MMP17: variants seen among roughly 807,000 people sequenced by gnomAD.
The protein encoded by MMP17 is matrix metallopeptidase 17, also known as matrix metalloproteinase-17.
A neutral mutation model predicts 49.1 loss-of-function variants in MMP17; 54 were observed. The ratio of observed to expected loss-of-function variants is 1.10; its 90% CI spans 0.88 to 1.38. MMP17 has a LOEUF of 1.38. Ranked by LOEUF, MMP17 falls within the 40% of genes most tolerant of loss-of-function variation. MMP17 has a pLI of 0.00. For missense variants in MMP17, 837 were observed against 853.7 expected (o/e 0.98, Z 0.24); for synonymous variants, 397 against 383.1 (o/e 1.04, Z -0.42).
At chr12:131,848,778 G>A (rs1418531857) in intron 8 of MMP17, among the ~76,000 whole-genome samples, 8 of 152,180 alleles carry the variant, frequency 5.3e-5, no homozygotes, top group African/African-American at 1.4e-4. Flanking sequence ...GAGGCTGAGC[G>A]GCATTCCATG....
intron 8 of MMP17, 81 bp downstream of exon 8, chr12:131,845,530 C>A: frequency 1.4e-6 from 2 of 1,461,654 alleles, no homozygotes; most frequent in African/African-American, 1.4e-5. Flanking sequence ...GTCCAGCCTG[C>A]GTGTAAGCCC....
chr12:131,835,551 G>A (rs1887042060), intron 1 of MMP17, among the ~76,000 whole-genome samples: 1 of 152,180 alleles, frequency 6.6e-6, no homozygotes, highest in Non-Finnish European at 1.5e-5. Flanking sequence ...AGAGTAAATG[G>A]GCCACTCAGT....
In MMP17 at chr12:131,851,010, G is replaced by T. The variant is rs781326116; in HGVS notation, c.1548G>T (p.Thr516=). The change falls in exon 10 of 10, where the codon ACG becomes ACT. Residue 516 remains threonine, a synonymous_variant. Transcript: ENST00000360564. ...TGGCACCCGGGTACCCACAGTCCAC[G>T]GCCCGGGACTGGCTGGTGTGTGGAG... ...LEVAPGYPQS[T]ARDWLVCGDS... 2.5e-6 allele frequency: 4 copies of T among 1,596,342 alleles called. No individual in the cohort carries two copies. Among genetic ancestry groups the T allele is most frequent in the Non-Finnish European group, 3.4e-6 (4 of 1,171,840 alleles).
At chr12:131,830,001 C>T (rs1415256925) in intron 1 of MMP17, among the ~76,000 whole-genome samples, 1 of 152,202 alleles carries the variant, frequency 6.6e-6, no homozygotes, top group African/African-American at 2.4e-5. Flanking sequence ...CCCGGATCCC[C>T]CACTGAGAAT....
chr12:131,838,257 G>C lies in MMP17; in HGVS notation c.222G>C (p.Thr74=). 1 of 1,613,272 alleles carries C rather than the reference G, an allele frequency of 6.2e-7. No homozygotes were observed. Among genetic ancestry groups the C allele is most frequent in the Non-Finnish European group, 8.5e-7 (1 of 1,179,986 alleles). The part of the protein sequence containing the change: ...PADPTTGQLQ[T]QEELSKAITA... ...ACCCCACAACAGGGCAGCTGCAGAC[G>C]CAAGAGGAGCTGTCTAAGGCCATCA... The change falls in exon 2 of 10, where the codon ACG becomes ACC. Residue 74 remains threonine, a synonymous_variant. Coordinates refer to ENST00000360564, the MANE Select transcript of MMP17 (RefSeq NM_016155.7).
At chr12:131,843,266 T>A (rs1887515744) in intron 5 of MMP17, among the ~76,000 whole-genome samples, 1 of 122,390 alleles carries the variant, frequency 8.2e-6, no homozygotes, top group Non-Finnish European at 1.7e-5. Flanking sequence ...GCACCTGGCC[T>A]CTTTTTTTTT....
chr12:131,840,779 C>T lies in MMP17; in HGVS notation c.629C>T (p.Ala210Val). The change falls in exon 4 of 10, where the codon GCC (alanine) becomes GTC (valine). Residue 210 changes from alanine (A) to valine (V), a missense_variant. Coordinates refer to ENST00000360564, the MANE Select transcript of MMP17 (RefSeq NM_016155.7). ...FDGPGGTVAHAFFPGHHHTAG... is the reference protein window; with the variant it reads ...FDGPGGTVAHVFFPGHHHTAG... ...GGCCCCGGCGGCACCGTGGCCCACG[C>T]CTTCTTCCCCGGCCACCACCACACC... 3.7e-6 allele frequency: 6 copies of T among 1,605,566 alleles called. No individual in the cohort carries two copies. The highest frequency in any genetic ancestry group is 5.1e-6 in the Non-Finnish European group (6 of 1,179,794).
Position 131,840,860 on chromosome 12 carries a change from C to T in MMP17, c.706+4C>T, listed in dbSNP as rs765972699. On this transcript the variant is annotated splice_donor_region_variant and intron_variant, in intron 4 of 9. Transcript: ENST00000360564. Reference sequence around the variant, plus strand: ...GCCTGGACCTTCCGCTCCTCGGGTGCGTCTGGGGCAGCCCTCAGGGCAGAG... The same window carrying T: ...GCCTGGACCTTCCGCTCCTCGGGTGTGTCTGGGGCAGCCCTCAGGGCAGAG... The T allele has an allele frequency of 8.8e-6, 14 of 1,586,742 alleles. No individual in the cohort carries two copies. In the East Asian group the frequency reaches 1.6e-4, roughly 18 times the overall value.
At chr12:131,840,491 G>A in intron 3 of MMP17, 82 bp from the exon 4 acceptor site, 2 of 1,467,102 alleles carry the variant, frequency 1.4e-6, no homozygotes, top group East Asian at 4.6e-5. Context: ...CCCCCGGGCT[G>A]AGGAGGGGCG....
At position 131,851,091 on chromosome 12, in the gene MMP17, C is replaced by A. The variant is rs756889649; in HGVS notation, c.1629C>A (p.Arg543=). Residue 543 remains arginine, a synonymous_variant, in exon 10 of 10, where the codon CGC becomes CGA. Transcript: ENST00000360564. ...AAGVDAAEGP[R]APPGQHDQSR... is the part of the protein sequence containing the mutation. ...GCGTGGACGCGGCAGAGGGGCCCCGCGCCCCTCCAGGACAACATGACCAGA... is the reference window on the plus strand; with the variant it reads ...GCGTGGACGCGGCAGAGGGGCCCCGAGCCCCTCCAGGACAACATGACCAGA... 2.5e-6 allele frequency: 4 copies of A among 1,602,258 alleles called. No homozygotes were observed. The East Asian group carries it at 9.1e-5, about 36-fold the overall frequency.
rs750453920 is a variant in MMP17, at chr12:131,851,075, C to T, written c.1613C>T (p.Ala538Val). ...ADGSVAAGVDAAEGPRAPPGQ... is the reference protein window; with the variant it reads ...ADGSVAAGVDVAEGPRAPPGQ... ...GGATCTGTGGCTGCGGGCGTGGACGCGGCAGAGGGGCCCCGCGCCCCTCCA... is the reference window on the plus strand; with the variant it reads ...GGATCTGTGGCTGCGGGCGTGGACGTGGCAGAGGGGCCCCGCGCCCCTCCA... Residue 538 changes from alanine (A) to valine (V), a missense_variant, in exon 10 of 10, where the codon GCG becomes GTG. Physicochemically the swap from Ala to Val is moderately conservative, Grantham distance 64. Transcript: ENST00000360564. 1.7e-5 allele frequency: 28 copies of T among 1,606,418 alleles called. No individual in the cohort carries two copies. The highest frequency in any genetic ancestry group is 6.7e-5 in the African/African-American group (5 of 74,658).
intron 3 of MMP17, among the ~76,000 whole-genome samples, chr12:131,839,239 G>T (rs10751699): frequency 0.51 from 77,770 of 151,846 alleles, 20,005 homozygotes; most frequent in South Asian, 0.62. Context: ...TCTCCAGGAT[G>T]CTCCTCGGAT....
intron 1 of MMP17, among the ~76,000 whole-genome samples, chr12:131,830,991 G>C (rs996792835): frequency 6.6e-5 from 10 of 152,182 alleles, no homozygotes; most frequent in Admixed American, 6.5e-5. Flanking sequence ...CCTCCCTCCC[G>C]CCCCTGGTTC....
intron 8 of MMP17, among the ~76,000 whole-genome samples, chr12:131,847,191 TTA>T (rs1887748895): frequency 2.7e-5 from 4 of 150,886 alleles, no homozygotes; most frequent in South Asian, 4.2e-4. Flanking sequence ...GGCGGGCAGA[TTA>T]CAAGGTCAGG....
At chr12:131,833,925 C>G (rs1280441052) in intron 1 of MMP17, among the ~76,000 whole-genome samples, 1 of 152,250 alleles carries the variant, frequency 6.6e-6, no homozygotes, top group African/African-American at 2.4e-5. Flanking sequence ...CCATAAATTC[C>G]CTAAAAACCG....
At chr12:131,830,762 G>A (rs1019668450) in intron 1 of MMP17, among the ~76,000 whole-genome samples, 2 of 152,174 alleles carry the variant, frequency 1.3e-5, no homozygotes, top group Non-Finnish European at 2.9e-5. Flanking sequence ...GGGAGGGCCC[G>A]CCCCGGAGCG....
intron 8 of MMP17, among the ~76,000 whole-genome samples, chr12:131,847,493 A>T (rs891444031): frequency 6.6e-6 from 1 of 152,004 alleles, no homozygotes; most frequent in Non-Finnish European, 1.5e-5. Flanking sequence ...CCTCATGACC[A>T]ATTGCTCCTA....
intron 1 of MMP17, among the ~76,000 whole-genome samples, chr12:131,835,085 T>C (rs1405730167): frequency 6.6e-6 from 1 of 152,112 alleles, no homozygotes; most frequent in Non-Finnish European, 1.5e-5. Context: ...AGGAAGTGGT[T>C]CCCACCCTCT....
At position 131,841,003 on chromosome 12, in the gene MMP17, C is replaced by T. The variant is rs1013912957; in HGVS notation, c.706+147C>T. On this transcript the variant is annotated intron_variant, in intron 4 of 9. Coordinates refer to ENST00000360564, the MANE Select transcript of MMP17 (RefSeq NM_016155.7). ...CACGGCTGGGCATTTCCCACTAGGC[C>T]GATCTCACAGCATCTGTGCTCGGCC... 4.6e-6 allele frequency: 5 copies of T among 1,082,886 alleles called. No individual in the cohort carries two copies. The South Asian group carries it at 5.0e-5, about 11-fold the overall frequency. The allele number at this position is 1,082,886 out of a possible 1,614,324, so 67.1% of individuals were successfully genotyped here. A position where few individuals can be genotyped will look rare whatever the true frequency, so the allele number is the denominator to read the frequency against.
Sources: gnomAD v4.1 joint callset for allele counts (sites outside exome capture counted in the v4.1 genomes callset) on GRCh38, gnomAD v4.1.1 for gene constraint, MANE v1.5 for transcripts, NCBI Gene and HGNC (gene_info 2026-07-23, HGNC 2026-07-21) for gene names.